The following EGFR variants were observed in gnomAD, a reference collection of about 807,000 sequenced individuals.
EGFR encodes the protein epidermal growth factor receptor.
EGFR carries 58 observed loss-of-function variants against 143.0 expected under a neutral mutation model. The ratio of observed to expected loss-of-function variants is 0.41; its 90% CI spans 0.33 to 0.50. EGFR has a LOEUF of 0.50. EGFR is among the 20% of genes least tolerant of loss of function. The pLI is 0.39. For synonymous variants in EGFR, 613 were observed against 594.4 expected (o/e 1.03, Z -0.45); for missense variants, 1,307 against 1,579.0 (o/e 0.83, Z 2.92).
chr7:55,045,815 A>T (rs981506241), intron 1 of EGFR, among the ~76,000 whole-genome samples: 2 of 152,240 alleles, frequency 1.3e-5, no homozygotes, highest in African/African-American at 4.8e-5. Flanking sequence ...GCCTTCTAAT[A>T]GGGTAGCCAT....
intron 11 of EGFR, 135 bp downstream of exon 11, chr7:55,157,888 A>G: frequency 1.1e-6 from 1 of 882,572 alleles, no homozygotes; most frequent in Non-Finnish European, 1.8e-6. Flanking sequence ...GCTATCTCAC[A>G]TGAGCAGGCA....
chr7:55,045,567 G>T (rs1161054769), intron 1 of EGFR, among the ~76,000 whole-genome samples: 3 of 152,162 alleles, frequency 2.0e-5, no homozygotes, highest in African/African-American at 7.2e-5. Flanking sequence ...GGGTTCTTGG[G>T]ACCTCAGAGT....
In EGFR at chr7:55,197,798, A is replaced by G. The variant is rs192434534; in HGVS notation, c.2702-919A>G. Among the ~76,000 whole-genome samples the G allele has an allele frequency of 4.6e-3, 697 of 152,314 alleles. 2 individuals carry two copies. The highest frequency in any genetic ancestry group is 8.2e-3 in the Non-Finnish European group (555 of 68,026). On this transcript the variant is annotated intron_variant, in intron 22 of 27. Transcript: ENST00000275493. ...TAGTTCTGTTTGTGTGGTGAATCAC[A>G]TTTATTGATTTGCATATGTTGAACC... is the stretch of plus-strand genomic sequence containing the variant.
chr7:55,204,422 A>G (rs1788013328), intron 27 of EGFR, among the ~76,000 whole-genome samples: 1 of 148,752 alleles, frequency 6.7e-6, no homozygotes, highest in East Asian at 2.0e-4. Flanking sequence ...CACACACCAT[A>G]TGTACACATG....
At chr7:55,183,410 C>T (rs741153) in intron 20 of EGFR, among the ~76,000 whole-genome samples, 86,556 of 152,016 alleles carry the variant, frequency 0.57, 25,292 homozygotes, top group Middle Eastern at 0.68. Context: ...TAGGACCCAC[C>T]CTAAATCCAG....
At chr7:55,079,626 G>T (rs78077110) in intron 1 of EGFR, among the ~76,000 whole-genome samples, 1 of 151,972 alleles carries the variant, frequency 6.6e-6, no homozygotes, top group African/African-American at 2.4e-5. Context: ...AATACTGCAC[G>T]GTTTATCGTG....
At chr7:55,153,758 C>T (rs17289851) in intron 6 of EGFR, among the ~76,000 whole-genome samples, 14 of 152,092 alleles carry the variant, frequency 9.2e-5, no homozygotes, top group Non-Finnish European at 1.3e-4. Context: ...AGTAAACAGA[C>T]GTATTTTTAT....
At chr7:55,136,682 C>T (rs752961495) in intron 1 of EGFR, among the ~76,000 whole-genome samples, 1 of 152,206 alleles carries the variant, frequency 6.6e-6, no homozygotes, top group Non-Finnish European at 1.5e-5. Flanking sequence ...GGAAACCATA[C>T]TTCTAATGTT....
intron 1 of EGFR, among the ~76,000 whole-genome samples, chr7:55,063,055 G>T (rs1321943867): frequency 6.6e-6 from 1 of 152,124 alleles, no homozygotes; most frequent in African/African-American, 2.4e-5. Context: ...GCAAGCTCAG[G>T]GTTGTCAGCT....
At chr7:55,117,083 G>A (rs757771008) in intron 1 of EGFR, among the ~76,000 whole-genome samples, 35 of 152,238 alleles carry the variant, frequency 2.3e-4, no homozygotes, top group South Asian at 1.0e-3. Flanking sequence ...ATTTTCCAGC[G>A]CAGTTATAGC....
At chr7:55,136,107 G>A (rs1794125654) in intron 1 of EGFR, among the ~76,000 whole-genome samples, 1 of 152,110 alleles carries the variant, frequency 6.6e-6, no homozygotes, top group Non-Finnish European at 1.5e-5. Flanking sequence ...GTGTATACAT[G>A]TTCACTTTGA....
Position 55,173,807 on chromosome 7 carries a change from G to A in EGFR, c.2062-114G>A, listed in dbSNP as rs1786466734. The A allele has an allele frequency of 2.6e-6, 4 of 1,555,660 alleles. No homozygotes were observed. In the South Asian group the frequency reaches 3.4e-5, roughly 13 times the overall value. ...ATGAGCTGGCAAGTGCCGTGTCCTG[G>A]CACCCAAGCCCATGCCGTGGCTGCT... On this transcript the variant is annotated intron_variant, in intron 17 of 27. Coordinates refer to ENST00000275493, the MANE Select transcript of EGFR (RefSeq NM_005228.5).
rs2128941470 is a variant in EGFR at position 55,160,215 on chromosome 7, G to C, written c.1375G>C (p.Gly459Arg). Residue 459 changes from glycine to arginine, a missense_variant, in exon 12 of 28, where the codon GGA becomes CGA. Gly to Arg is a moderately radical substitution (Grantham distance 125). This residue lies in a region of EGFR where 250 missense variants were observed against 295.1 expected (regional missense o/e 0.85). Coordinates refer to ENST00000275493, the MANE Select transcript of EGFR (RefSeq NM_005228.5). ...ACGCTCCCTCAAGGAGATAAGTGAT[G>C]GAGATGTGATAATTTCAGGAAACAA... Reference protein sequence around the residue: ...GLRSLKEISDGDVIISGNKNL... With the variant: ...GLRSLKEISDRDVIISGNKNL... 1 of 1,614,154 alleles carries C rather than the reference G, an allele frequency of 6.2e-7. No individual in the cohort carries two copies. The highest frequency in any genetic ancestry group is 8.5e-7 in the Non-Finnish European group (1 of 1,180,032).
At chr7:55,189,139 CAT>C (rs1399408901) in intron 20 of EGFR, among the ~76,000 whole-genome samples, 10 of 151,076 alleles carry the variant, frequency 6.6e-5, no homozygotes, top group African/African-American at 2.4e-4. Flanking sequence ...TACACATATA[CAT>C]ATATATATAT....
intron 1 of EGFR, among the ~76,000 whole-genome samples, chr7:55,026,725 A>G (rs1432701607): frequency 6.6e-6 from 1 of 152,090 alleles, no homozygotes; most frequent in African/African-American, 2.4e-5. Context: ...TTCTCCCTCA[A>G]ACAGGAACAT....
chr7:55,190,108 C>T (rs1172121908), intron 20 of EGFR, among the ~76,000 whole-genome samples: 2 of 152,136 alleles, frequency 1.3e-5, no homozygotes, highest in African/African-American at 2.4e-5. Flanking sequence ...TTTTGGGAAG[C>T]GCTTCCTCGG....
chr7:55,058,129 C>G (rs1788941236), intron 1 of EGFR, among the ~76,000 whole-genome samples: 1 of 152,240 alleles, frequency 6.6e-6, no homozygotes. Flanking sequence ...GGCACAGTGG[C>G]TCACGCCTGT....
intron 1 of EGFR, among the ~76,000 whole-genome samples, chr7:55,075,208 A>T (rs529758559): frequency 0.027 from 4,070 of 150,836 alleles, 118 homozygotes; most frequent in African/African-American, 0.071. Flanking sequence ...AAAAAAAAAA[A>T]TGTTTCAAAG....
At chr7:55,175,568 C>A (rs1786558581) in intron 19 of EGFR, among the ~76,000 whole-genome samples, 1 of 152,198 alleles carries the variant, frequency 6.6e-6, no homozygotes, top group African/African-American at 2.4e-5. Flanking sequence ...TGGTGGAAAC[C>A]TTTGCTCTTG....
Sources: allele counts gnomAD v4.1 joint callset (sites outside exome capture counted in the v4.1 genomes callset), GRCh38; gene constraint gnomAD v4.1.1; regional missense constraint gnomAD v4.1.1; transcripts MANE v1.5; gene names NCBI Gene and HGNC (gene_info 2026-07-23, HGNC 2026-07-21).